The following TMPRSS7 variants were observed in gnomAD, a reference collection of about 807,000 sequenced individuals.
TMPRSS7 encodes transmembrane protease serine 7.
In TMPRSS7, 81 loss-of-function variants were observed where a neutral mutation model predicts 95.6. That is an observed-to-expected ratio of 0.85 (90% CI 0.71 to 1.02). The LOEUF is 1.02. Among genes scored for constraint, TMPRSS7 ranks in the 50% least tolerant of loss-of-function variants. The pLI is 0.00. For synonymous variants in TMPRSS7, 364 were observed against 337.8 expected, an observed-to-expected ratio of 1.08 and a Z score of -0.85; for missense variants, 945 against 955.2, an observed-to-expected ratio of 0.99 and a Z score of 0.14.
At chr3:112,046,544 T>C (rs1299341245) in intron 5 of TMPRSS7, among the ~76,000 whole-genome samples, 1 of 152,172 alleles carries the variant, frequency 6.6e-6, no homozygotes, top group African/African-American at 2.4e-5. Flanking sequence ...CACACACACA[T>C]ACACTAGGCA....
intron 11 of TMPRSS7, 151 bp downstream of exon 11, chr3:112,062,074 T>G: frequency 2.9e-6 from 1 of 346,950 alleles, no homozygotes; most frequent in Admixed American, 5.0e-5. Flanking sequence ...ATAATAATTA[T>G]AAAATACAAA....
chr3:112,076,591 T>A (rs981847459), intron 15 of TMPRSS7, among the ~76,000 whole-genome samples: 1 of 152,226 alleles, frequency 6.6e-6, no homozygotes, highest in Non-Finnish European at 1.5e-5. Flanking sequence ...CATGAAATAC[T>A]AGTGGAAAGA....
chr3:112,038,168 C>T lies in TMPRSS7; in HGVS notation c.145C>T (p.Arg49Ter), dbSNP rs778910362. 7.7e-5 allele frequency: 54 copies of T among 702,774 alleles called. No individual in the cohort carries two copies. The highest frequency in any genetic ancestry group is 6.8e-4 in the Middle Eastern group (3 of 4,386). 43.5% of individuals were successfully genotyped at this position (702,774 alleles called of 1,614,324 possible). The change falls in exon 2 of 18, where the codon CGA (arginine) becomes TGA (stop). Residue 49 changes from arginine to a stop codon, truncating the protein, a stop_gained. Coordinates refer to ENST00000452346, the Ensembl canonical transcript of TMPRSS7. LOFTEE classifies it high-confidence loss of function. ...GAGACGACTACCATTGCCAGGAAGA[C>T]GACCACCACAAAGACCCATTGGCAA...
At position 112,074,403 on chromosome 3, in the gene TMPRSS7, G is replaced by A. The variant is rs143185999; in HGVS notation, c.1774G>A (p.Glu592Lys). The change falls in exon 14 of 18, where the codon GAA becomes AAA. Residue 592 changes from glutamate (E) to lysine (K), a missense_variant. Transcript: ENST00000452346. ...GGATTGTCCAGATGGAAGTGATGAA[G>A]AAGGCTGCAGTAAGTAGAAATTCAT... 4 of 1,610,620 alleles carry A rather than the reference G, an allele frequency of 2.5e-6. No homozygotes were observed. The East Asian group carries it at 8.9e-5, about 36-fold the overall frequency.
At chr3:112,056,319 TG>T (rs1157912960) in intron 9 of TMPRSS7, among the ~76,000 whole-genome samples, 2 of 152,322 alleles carry the variant, frequency 1.3e-5, no homozygotes, top group African/African-American at 4.8e-5. Context: ...AGCTTAAAAA[TG>T]GATGAACCCA....
intron 4 of TMPRSS7, among the ~76,000 whole-genome samples, chr3:112,044,733 C>T (rs886336525): frequency 5.1e-4 from 77 of 152,134 alleles, no homozygotes; most frequent in African/African-American, 1.8e-3. Flanking sequence ...AAATCGTGCA[C>T]CATATATTAT....
chr3:112,057,024 G>T lies in TMPRSS7; in HGVS notation c.1204-1G>T. ...TTCTGACTTAATGTTTATTTTCACA[G>T]ACTTCTCTATCAACTCTTGGCATAG... On this transcript the variant is annotated splice_acceptor_variant, in intron 9 of 17. Coordinates refer to ENST00000452346, the Ensembl canonical transcript of TMPRSS7. LOFTEE classifies it high-confidence loss of function. The T allele has an allele frequency of 6.3e-7, 1 of 1,588,356 alleles. No individual in the cohort carries two copies. The highest frequency in any genetic ancestry group is 1.1e-5 in the South Asian group (1 of 88,392).
At chr3:112,054,306 G>A (rs2073402766) in intron 9 of TMPRSS7, among the ~76,000 whole-genome samples, 1 of 152,174 alleles carries the variant, frequency 6.6e-6, no homozygotes, top group Non-Finnish European at 1.5e-5. Flanking sequence ...CTTGATTAAA[G>A]TTCCCAATGC....
chr3:112,071,305 C>T (rs113931291), intron 13 of TMPRSS7, among the ~76,000 whole-genome samples: 3,901 of 152,218 alleles, frequency 0.026, 165 homozygotes, highest in African/African-American at 0.087. Flanking sequence ...GGGTTTCTGC[C>T]GAGAGATCCG....
chr3:112,078,215 C>T (rs1357208588), intron 16 of TMPRSS7, among the ~76,000 whole-genome samples: 1 of 152,196 alleles, frequency 6.6e-6, no homozygotes, highest in Admixed American at 6.5e-5. Flanking sequence ...AAAGCATCTG[C>T]CCAACCAACT....
intron 13 of TMPRSS7, among the ~76,000 whole-genome samples, chr3:112,066,741 G>C (rs2073581057): frequency 6.6e-6 from 1 of 151,978 alleles, no homozygotes; most frequent in Non-Finnish European, 1.5e-5. Flanking sequence ...GTGAGTGTGT[G>C]TGTGTGTTCA....
intron 2 of TMPRSS7, 126 bp from the exon 3 acceptor site, chr3:112,041,794 A>G (rs368478188): frequency 3.1e-6 from 2 of 635,804 alleles, no homozygotes; most frequent in African/African-American, 1.8e-5. Flanking sequence ...CAGGCTCTGA[A>G]CCAGTTAGTA....
intron 15 of TMPRSS7, 122 bp downstream of exon 15, chr3:112,075,614 T>A (rs2073702517): frequency 1.1e-6 from 1 of 890,294 alleles, no homozygotes; most frequent in Non-Finnish European, 1.6e-6. Context: ...TGCACTTTCA[T>A]TTTTTGGATC....
In TMPRSS7 at chr3:112,057,217, C is replaced by T; in HGVS notation, c.1310+86C>T. The T allele has an allele frequency of 6.1e-6, 6 of 989,594 alleles. No homozygotes were observed. The South Asian group carries it at 9.3e-5, about 15-fold the overall frequency. 61.3% of individuals were successfully genotyped at this position (989,594 alleles called of 1,614,324 possible). ...GTTCCTTGTCCTCAAAGAGTTTGCGCTTTACCATTTACAGTTAGGGAAACT... is the reference window on the plus strand; with the variant it reads ...GTTCCTTGTCCTCAAAGAGTTTGCGTTTTACCATTTACAGTTAGGGAAACT... On this transcript the variant is annotated intron_variant, in intron 10 of 17. Transcript: ENST00000452346.
chr3:112,062,294 A>G (rs974357125), intron 11 of TMPRSS7, among the ~76,000 whole-genome samples: 1 of 152,220 alleles, frequency 6.6e-6, no homozygotes, highest in African/African-American at 2.4e-5. Flanking sequence ...TAGTGGATCC[A>G]AAGCCAACAC....
At chr3:112,039,044 G>A (rs533947706) in intron 2 of TMPRSS7, among the ~76,000 whole-genome samples, 8 of 152,166 alleles carry the variant, frequency 5.3e-5, no homozygotes, top group Non-Finnish European at 5.9e-5. Context: ...TTGAATTTCC[G>A]GCTCCCTGAG....
At position 112,041,990 on chromosome 3, in the gene TMPRSS7, C is replaced by T. The variant is rs781343808; in HGVS notation, c.369C>T (p.Pro123=). ...GCATCACCAACATTGAGTTTCTTCC[C>T]GAATACCGACAAAAGGAGTCCAGGG... is the stretch of plus-strand genomic sequence containing the variant. The change falls in exon 3 of 18, where the codon CCC becomes CCT. Residue 123 remains proline (P), a synonymous_variant. Transcript: ENST00000452346. 72 of 1,551,470 alleles carry T rather than the reference C, an allele frequency of 4.6e-5. No homozygotes were observed. The Middle Eastern group carries it at 6.7e-4, about 14-fold the overall frequency.
At chr3:112,060,769 C>CG (rs200359161) in intron 10 of TMPRSS7, among the ~76,000 whole-genome samples, 6,474 of 152,112 alleles carry the variant, frequency 0.043, 420 homozygotes, top group African/African-American at 0.14. Context: ...CCTCACCTTA[C>CG]AAAATGATGG....
chr3:112,070,577 A>G (rs547878659), intron 13 of TMPRSS7, among the ~76,000 whole-genome samples: 2 of 152,332 alleles, frequency 1.3e-5, no homozygotes, highest in African/African-American at 2.4e-5. Flanking sequence ...CTTTACCATT[A>G]TGTAATGGCC....
Sources: allele counts gnomAD v4.1 joint callset (sites outside exome capture counted in the v4.1 genomes callset), GRCh38; gene constraint gnomAD v4.1.1; transcripts MANE v1.5; gene names NCBI Gene and HGNC (gene_info 2026-07-23, HGNC 2026-07-21).